CHLSN: variants seen among roughly 807,000 people sequenced by gnomAD.
The protein encoded by CHLSN is protein cholesin.
the CHLSN span, among the ~76,000 whole-genome samples, chr7:981,338 C>G: frequency 1.4e-4 from 22 of 151,870 alleles, no homozygotes; most frequent in South Asian, 4.4e-3. Flanking sequence ...GAGGCCGGCC[C>G]GGCATTGGCT....
chr7:1,070,870 G>GCACACGTGCACATGCACACACGTGCA, the CHLSN span, among the ~76,000 whole-genome samples: 13 of 136,262 alleles, frequency 9.5e-5, 1 homozygote, highest in Middle Eastern at 6.8e-3. Flanking sequence ...ACACGGGTGC[G>GCACACGTGCACATGCACACACGTGCA]CACACGTGCA....
chr7:1,089,291 G>A, the CHLSN span, among the ~76,000 whole-genome samples: 76 of 152,348 alleles, frequency 5.0e-4, no homozygotes, highest in Non-Finnish European at 9.7e-4. Context: ...ACCAGCCCCA[G>A]CTAAGTGAAG....
At chr7:1,105,871 A>C in the CHLSN span, among the ~76,000 whole-genome samples, 1 of 152,218 alleles carries the variant, frequency 6.6e-6, no homozygotes, top group Non-Finnish European at 1.5e-5. Context: ...TTTGTTTTTA[A>C]AATTAAATTA....
the CHLSN span, among the ~76,000 whole-genome samples, chr7:1,071,407 G>A: frequency 2.0e-5 from 3 of 152,228 alleles, no homozygotes; most frequent in African/African-American, 7.2e-5. Context: ...GGTGCGCTGA[G>A]AGGACCAGAG....
the CHLSN span, among the ~76,000 whole-genome samples, chr7:1,048,185 C>A: frequency 4.6e-5 from 7 of 152,170 alleles, no homozygotes; most frequent in Admixed American, 1.3e-4. Flanking sequence ...AAGGGATCAA[C>A]ATCCGCAAAA....
chr7:1,021,401 G>C, the CHLSN span: 10 of 985,470 alleles, frequency 1.0e-5, no homozygotes, highest in African/African-American at 1.7e-5. Flanking sequence ...GACTGAACCA[G>C]AGTCGGAAGC....
the CHLSN span, among the ~76,000 whole-genome samples, chr7:1,098,069 C>T: frequency 1.3e-5 from 2 of 151,234 alleles, no homozygotes; most frequent in African/African-American, 4.8e-5. Context: ...TGGAATACCC[C>T]GGGAGATAAA....
the CHLSN span, among the ~76,000 whole-genome samples, chr7:1,104,189 T>C: frequency 0.039 from 5,863 of 152,200 alleles, 358 homozygotes; most frequent in African/African-American, 0.13. Context: ...CCACAAAGGC[T>C]CTGGAGAAGG....
the CHLSN span, among the ~76,000 whole-genome samples, chr7:1,082,709 C>A: frequency 3.3e-5 from 5 of 152,204 alleles, no homozygotes; most frequent in Admixed American, 3.3e-4. Context: ...GATCCTGGTC[C>A]TGTGTCCAGC....
chr7:1,013,951 G>A, the CHLSN span, among the ~76,000 whole-genome samples: 3 of 152,232 alleles, frequency 2.0e-5, no homozygotes, highest in African/African-American at 7.2e-5. Context: ...TGCATGAAAA[G>A]CTTTACGCAG....
At chr7:1,127,383 C>T in the CHLSN span, 6 of 1,603,078 alleles carry the variant, frequency 3.7e-6, no homozygotes, top group South Asian at 5.6e-5. Context: ...TCTGTTTTGC[C>T]ATCCTGCAAC....
chr7:1,050,082 C>T, the CHLSN span, among the ~76,000 whole-genome samples: 1 of 152,238 alleles, frequency 6.6e-6, no homozygotes, highest in Non-Finnish European at 1.5e-5. Flanking sequence ...CTCTGAACCG[C>T]AAGCACAGGG....
At chr7:1,033,292 T>G in the CHLSN span, among the ~76,000 whole-genome samples, 1 of 152,194 alleles carries the variant, frequency 6.6e-6, no homozygotes, top group African/African-American at 2.4e-5. Context: ...GCGCAGTGGC[T>G]CACGCCTGTG....
chr7:1,108,748 C>A, the CHLSN span, among the ~76,000 whole-genome samples: 1 of 152,188 alleles, frequency 6.6e-6, no homozygotes, highest in Non-Finnish European at 1.5e-5. Context: ...CTGACACACA[C>A]GCCCCTACCG....
chr7:1,091,236 C>A, the CHLSN span, among the ~76,000 whole-genome samples: 3 of 152,238 alleles, frequency 2.0e-5, no homozygotes, highest in African/African-American at 7.2e-5. Context: ...GGCGACTCTT[C>A]CACCTCAGCT....
At chr7:1,017,436 G>C in the CHLSN span, among the ~76,000 whole-genome samples, 6 of 152,222 alleles carry the variant, frequency 3.9e-5, no homozygotes, top group Non-Finnish European at 5.9e-5. Context: ...CCATGCAGGG[G>C]ATGGTGTGCA....
the CHLSN span, chr7:1,127,420 G>A: frequency 2.9e-5 from 46 of 1,578,436 alleles, no homozygotes; most frequent in East Asian, 1.0e-3. Context: ...TGAAGACAAG[G>A]AAATGAAAGG....
At chr7:1,052,924 A>G in the CHLSN span, among the ~76,000 whole-genome samples, 1 of 152,196 alleles carries the variant, frequency 6.6e-6, no homozygotes, top group African/African-American at 2.4e-5. This position sits in a 1 kb window ranked among gnomAD's most constrained non-coding sequence, Gnocchi z 4.2. Flanking sequence ...TCGTGTAGGA[A>G]AAGAGCCCAC....
chr7:1,132,005 T>C, the CHLSN span, among the ~76,000 whole-genome samples: 3 of 152,120 alleles, frequency 2.0e-5, no homozygotes, highest in South Asian at 6.2e-4. Flanking sequence ...GCTACCAACA[T>C]ATAAAAGAAT....
Sources: gnomAD v4.1 joint callset for allele counts (sites outside exome capture counted in the v4.1 genomes callset) on GRCh38, gnomAD v4.1.1 for gene constraint, Gnocchi (gnomAD v3.1) non-coding constraint, MANE v1.5 for transcripts, NCBI Gene and HGNC (gene_info 2026-07-23, HGNC 2026-07-21) for gene names.